OSBPL8: variants seen among roughly 807,000 people sequenced by gnomAD.
OSBPL8 encodes the protein oxysterol binding protein like 8, also known as oxysterol-binding protein-related protein 8.
Under a neutral mutation model 125.5 loss-of-function variants are expected in OSBPL8, and 59 were observed. The ratio of observed to expected loss-of-function variants is 0.47; its 90% CI spans 0.38 to 0.58. The LOEUF (loss-of-function observed/expected upper bound fraction) is 0.58. OSBPL8 is among the 20% of genes least tolerant of loss of function. OSBPL8 has a pLI of 0.00. For synonymous variants in OSBPL8, 330 were observed against 338.9 expected (o/e 0.97, Z 0.29); for missense variants, 758 against 1,047.8 (o/e 0.72, Z 3.82).
Position 76,402,778 on chromosome 12 carries a change from C to T in OSBPL8, c.289-12G>A, listed in dbSNP as rs544225401. 5.2e-5 allele frequency: 80 copies of T among 1,535,902 alleles called. No individual in the cohort carries two copies. The Middle Eastern group carries it at 1.2e-3, about 23-fold the overall frequency. ...AGTTTAGATTCAGACTGAAATCATA[C>T]AGAAACAAGAGAAATTAAATCCTTC... On this transcript the variant is annotated splice_polypyrimidine_tract_variant and intron_variant, in intron 5 of 23. Transcript: ENST00000261183.
chr12:76,376,979 T>G (rs1000416786), intron 16 of OSBPL8, among the ~76,000 whole-genome samples: 6 of 152,156 alleles, frequency 3.9e-5, no homozygotes, highest in African/African-American at 1.4e-4. Flanking sequence ...CCTGTGCCCA[T>G]GTGTTCTCAT....
At chr12:76,502,279 T>C (rs1457670038) in intron 1 of OSBPL8, among the ~76,000 whole-genome samples, 3 of 152,182 alleles carry the variant, frequency 2.0e-5, no homozygotes, top group African/African-American at 7.2e-5. Flanking sequence ...GATCCACTAA[T>C]ACAATTTTTG....
chr12:76,447,710 AT>A (rs1273729228), intron 4 of OSBPL8, among the ~76,000 whole-genome samples: 7 of 151,992 alleles, frequency 4.6e-5, no homozygotes, highest in Non-Finnish European at 8.8e-5. Context: ...AGCCTGGCTA[AT>A]TTTTTTGTAT....
chr12:76,442,721 A>T (rs999649882), intron 4 of OSBPL8, among the ~76,000 whole-genome samples: 1 of 152,200 alleles, frequency 6.6e-6, no homozygotes, highest in Non-Finnish European at 1.5e-5. Flanking sequence ...ACATATGTTC[A>T]TAATTGATAC....
chr12:76,554,366 T>G (rs1336745929), intron 1 of OSBPL8, among the ~76,000 whole-genome samples: 3 of 152,116 alleles, frequency 2.0e-5, no homozygotes, highest in Non-Finnish European at 4.4e-5. Flanking sequence ...CAACTGCAAA[T>G]AAATTATACA....
At chr12:76,367,229 G>GGGGGGT (rs149505291) in intron 21 of OSBPL8, among the ~76,000 whole-genome samples, 1 of 147,168 alleles carries the variant, frequency 6.8e-6, no homozygotes, top group African/African-American at 2.5e-5. Context: ...TTTGTTGATT[G>GGGGGGT]GTGTGTGTGT....
chr12:76,532,913 A>G (rs184243790), intron 1 of OSBPL8, among the ~76,000 whole-genome samples: 4 of 152,212 alleles, frequency 2.6e-5, no homozygotes, highest in East Asian at 3.9e-4. Context: ...CTAAAACTCC[A>G]TTTTTCATCT....
rs1953445013 is a variant in OSBPL8, at chr12:76,389,047, CA to C, written c.1352+597del. The stretch of plus-strand genomic sequence containing the variant: ...ATGGACACAAAGTTGCTGTTCCTTG[CA>C]AAGTTTACTGGTTTTCCAAGAAATT... On this transcript the variant is annotated intron_variant, in intron 12 of 23. Transcript: ENST00000261183. 2.6e-5 allele frequency among the ~76,000 whole-genome samples: 4 copies of C among 152,240 alleles called. No homozygotes were observed. The South Asian group carries it at 8.3e-4, about 32-fold the overall frequency.
intron 2 of OSBPL8, among the ~76,000 whole-genome samples, chr12:76,460,377 T>C (rs80181242): frequency 0.019 from 2,827 of 152,180 alleles, 66 homozygotes; most frequent in African/African-American, 0.06. Flanking sequence ...AGAGATTTAG[T>C]ATGTTTCTTC....
At position 76,389,695 on chromosome 12, in the gene OSBPL8, A is replaced by C. The variant is rs1359812825; in HGVS notation, c.1302T>G (p.Ser434=). 27 of 1,604,136 alleles carry C rather than the reference A, an allele frequency of 1.7e-5. No homozygotes were observed. Among genetic ancestry groups the C allele is most frequent in the Non-Finnish European group, 2.3e-5 (27 of 1,174,480 alleles). ...AGTAATCTGAAAGTTTATCCAGGAA[A>C]GAACGGGGTTCCAAAATAAATGTAG... ...VLPTFILEPR[S]FLDKLSDYYY... Residue 434 remains serine, a synonymous_variant, in exon 12 of 24, where the codon TCT becomes TCG. Coordinates refer to ENST00000261183, the MANE Select transcript of OSBPL8 (RefSeq NM_020841.5).
At chr12:76,496,153 G>A (rs1879243195) in intron 1 of OSBPL8, among the ~76,000 whole-genome samples, 1 of 147,728 alleles carries the variant, frequency 6.8e-6, no homozygotes, top group African/African-American at 2.5e-5. Context: ...GTCTCTTCTT[G>A]TTTCATGTCT....
intron 1 of OSBPL8, among the ~76,000 whole-genome samples, chr12:76,524,933 C>A (rs1211360163): frequency 6.6e-6 from 1 of 152,142 alleles, no homozygotes; most frequent in Non-Finnish European, 1.5e-5. Context: ...ATCCGCCCAC[C>A]TCAGCCTCCC....
At chr12:76,378,274 T>C (rs1952905383) in intron 16 of OSBPL8, among the ~76,000 whole-genome samples, 178 bp downstream of exon 16, 1 of 152,186 alleles carries the variant, frequency 6.6e-6, no homozygotes, top group Admixed American at 6.5e-5. Flanking sequence ...GGTGAATTAA[T>C]TCACCGCAGA....
At chr12:76,550,102 G>C (rs956556084) in intron 1 of OSBPL8, among the ~76,000 whole-genome samples, 1 of 151,802 alleles carries the variant, frequency 6.6e-6, no homozygotes, top group Admixed American at 6.6e-5. Context: ...GGTGTGGGGG[G>C]GCTGGGGTGT....
At chr12:76,374,204 A>T (rs1952726928) in intron 17 of OSBPL8, among the ~76,000 whole-genome samples, 2 of 152,196 alleles carry the variant, frequency 1.3e-5, no homozygotes, top group Non-Finnish European at 2.9e-5. Flanking sequence ...AAATATTTTT[A>T]TCTGAATATA....
At chr12:76,517,684 C>A (rs116715989) in intron 1 of OSBPL8, among the ~76,000 whole-genome samples, 1 of 152,090 alleles carries the variant, frequency 6.6e-6, no homozygotes, top group African/African-American at 2.4e-5. Context: ...ATAGTTCTAC[C>A]GGTGATACAG....
In OSBPL8 at chr12:76,397,734, T is replaced by C. The variant is rs1953873614; in HGVS notation, c.632A>G (p.Lys211Arg). The change falls in exon 8 of 24, where the codon AAA becomes AGA. Residue 211 changes from lysine to arginine, a missense_variant. Lys to Arg is a conservative substitution (Grantham distance 26). This residue lies in a region of OSBPL8 where 69 missense variants were observed against 148.7 expected (regional missense o/e 0.46). Transcript: ENST00000261183. ...RPSKKDGFCFKLFHPLEQSIW... is the reference protein window; with the variant it reads ...RPSKKDGFCFRLFHPLEQSIW... The stretch of plus-strand genomic sequence containing the variant: ...AGATTGCTCCAAAGGATGGAAAAGT[T>C]TGAAACAAAAGCCATCCTTTTTTGA... 2 of 1,614,124 alleles carry C rather than the reference T, an allele frequency of 1.2e-6. No individual in the cohort carries two copies. The highest frequency in any genetic ancestry group is 2.2e-5 in the South Asian group (2 of 91,082).
intron 1 of OSBPL8, among the ~76,000 whole-genome samples, chr12:76,489,813 C>T (rs1345674208): frequency 6.6e-6 from 1 of 152,194 alleles, no homozygotes; most frequent in Non-Finnish European, 1.5e-5. Flanking sequence ...AGGCCATAAG[C>T]TGCCAGAGAT....
At chr12:76,435,155 CGTGTGTGT>C (rs71082308) in intron 4 of OSBPL8, among the ~76,000 whole-genome samples, 27 of 146,446 alleles carry the variant, frequency 1.8e-4, no homozygotes, top group African/African-American at 5.2e-4. Context: ...TATATATCTA[CGTGTGTGT>C]GTGTGTGTGT....
Sources: allele counts gnomAD v4.1 joint callset (sites outside exome capture counted in the v4.1 genomes callset), GRCh38; gene constraint gnomAD v4.1.1; regional missense constraint gnomAD v4.1.1; transcripts MANE v1.5; gene names NCBI Gene and HGNC (gene_info 2026-07-23, HGNC 2026-07-21).